The following HEMK2 variants were observed in gnomAD, a reference collection of about 807,000 sequenced individuals.
The protein encoded by HEMK2 is HemK methyltransferase 2, ETF1 glutamine and histone H4 lysine.
chr21:28,794,462 T>C, the HEMK2 span, among the ~76,000 whole-genome samples: 25 of 152,358 alleles, frequency 1.6e-4, no homozygotes, highest in Admixed American at 1.1e-3. Flanking sequence ...TTGTTTATCA[T>C]GTGAAGTATT....
the HEMK2 span, among the ~76,000 whole-genome samples, chr21:28,834,922 T>C: frequency 1.3e-5 from 2 of 151,768 alleles, no homozygotes; most frequent in South Asian, 2.1e-4. Context: ...GCAGCCATAA[T>C]CCTCCTAGGT....
the HEMK2 span, among the ~76,000 whole-genome samples, chr21:28,843,881 T>C: frequency 6.6e-6 from 1 of 152,152 alleles, no homozygotes; most frequent in Non-Finnish European, 1.5e-5. Flanking sequence ...GGAAGCCGTA[T>C]AATATGAAAT....
chr21:28,721,935 CACAT>C, the HEMK2 span, among the ~76,000 whole-genome samples: 6,429 of 143,278 alleles, frequency 0.045, 219 homozygotes, highest in East Asian at 0.12. Flanking sequence ...CACACACACA[CACAT>C]ACACCTATTT....
the HEMK2 span, among the ~76,000 whole-genome samples, chr21:28,605,708 G>T: frequency 6.6e-6 from 1 of 152,246 alleles, no homozygotes; most frequent in South Asian, 2.1e-4. Flanking sequence ...ATGTGTATCT[G>T]TGTGAGTTAA....
At chr21:28,592,339 G>A in the HEMK2 span, among the ~76,000 whole-genome samples, 1 of 152,204 alleles carries the variant, frequency 6.6e-6, no homozygotes, top group African/African-American at 2.4e-5. Context: ...TGAGGCAGTA[G>A]TTGTGCAGTC....
At chr21:28,671,176 G>C in the HEMK2 span, 1 of 152,222 alleles carries the variant, frequency 6.6e-6, no homozygotes, top group Non-Finnish European at 1.5e-5. Context: ...GATCTTGCCT[G>C]TGATCCATGT....
the HEMK2 span, among the ~76,000 whole-genome samples, chr21:28,581,341 C>T: frequency 1.6e-3 from 239 of 150,114 alleles, no homozygotes; most frequent in African/African-American, 5.7e-3. Flanking sequence ...CTGGACTGAG[C>T]GTGGTACAAT....
At chr21:28,688,247 G>A in the HEMK2 span, among the ~76,000 whole-genome samples, 127 of 152,186 alleles carry the variant, frequency 8.3e-4, 1 homozygote, top group Non-Finnish European at 1.4e-3. Flanking sequence ...CAATGGGTTC[G>A]AGTGAAATTC....
the HEMK2 span, among the ~76,000 whole-genome samples, chr21:28,795,480 A>T: frequency 4.9e-4 from 75 of 152,298 alleles, no homozygotes; most frequent in East Asian, 0.014. Context: ...GGAGTCACAA[A>T]CGACAAGGAA....
the HEMK2 span, among the ~76,000 whole-genome samples, chr21:28,738,836 A>G: frequency 6.6e-6 from 1 of 152,260 alleles, no homozygotes; most frequent in South Asian, 2.1e-4. Context: ...CAACTTCAGC[A>G]CATGCACTTC....
the HEMK2 span, among the ~76,000 whole-genome samples, chr21:28,630,273 GA>G: frequency 2.0e-5 from 3 of 152,026 alleles, no homozygotes; most frequent in Non-Finnish European, 4.4e-5. Flanking sequence ...AAAAAATCAG[GA>G]AACAACAGGT....
At chr21:28,595,917 T>C in the HEMK2 span, among the ~76,000 whole-genome samples, 2 of 151,494 alleles carry the variant, frequency 1.3e-5, no homozygotes, top group African/African-American at 2.4e-5. Context: ...CCCAAGTAGC[T>C]GGGACTACAG....
the HEMK2 span, among the ~76,000 whole-genome samples, chr21:28,605,501 C>T: frequency 1.8e-4 from 27 of 152,098 alleles, no homozygotes; most frequent in Admixed American, 1.5e-3. Context: ...AGAATAAAGG[C>T]CATGGCAAGT....
At chr21:28,860,795 G>A in the HEMK2 span, among the ~76,000 whole-genome samples, 1,134 of 152,288 alleles carry the variant, frequency 7.4e-3, 12 homozygotes, top group African/African-American at 0.025. Flanking sequence ...CATGGAGTTG[G>A]ATCAGGCTGA....
At chr21:28,870,488 G>A in the HEMK2 span, among the ~76,000 whole-genome samples, 1 of 151,888 alleles carries the variant, frequency 6.6e-6, no homozygotes, top group South Asian at 2.1e-4. Flanking sequence ...TGCCATATCC[G>A]CCTCTGAAGC....
the HEMK2 span, among the ~76,000 whole-genome samples, chr21:28,668,375 T>A: frequency 6.6e-6 from 1 of 152,204 alleles, no homozygotes; most frequent in African/African-American, 2.4e-5. Flanking sequence ...ATGGTGACTA[T>A]GCTCCAGGCT....
chr21:28,652,836 A>C, the HEMK2 span, among the ~76,000 whole-genome samples: 2 of 152,160 alleles, frequency 1.3e-5, no homozygotes, highest in Non-Finnish European at 2.9e-5. Context: ...GCAGATGGCC[A>C]AGAAAGTGAT....
the HEMK2 span, among the ~76,000 whole-genome samples, chr21:28,597,899 G>GT: frequency 1.3e-5 from 2 of 152,062 alleles, no homozygotes; most frequent in Non-Finnish European, 2.9e-5. Flanking sequence ...AAGATAATTT[G>GT]ATGTTAAGGA....
chr21:28,793,030 A>T, the HEMK2 span, among the ~76,000 whole-genome samples: 1 of 152,260 alleles, frequency 6.6e-6, no homozygotes, highest in Non-Finnish European at 1.5e-5. Flanking sequence ...AAACTGGAGA[A>T]GGTAACTTAT....
Sources: allele counts gnomAD v4.1 joint callset (sites outside exome capture counted in the v4.1 genomes callset), GRCh38; gene constraint gnomAD v4.1.1; transcripts MANE v1.5; gene names NCBI Gene and HGNC (gene_info 2026-07-23, HGNC 2026-07-21).